The following AIFM3 variants were observed in gnomAD, a reference collection of about 807,000 sequenced individuals.
AIFM3 encodes the protein apoptosis-inducing factor 3.
A neutral mutation model predicts 82.7 loss-of-function variants in AIFM3; 71 were observed. The ratio of observed to expected loss-of-function variants is 0.86; its 90% CI spans 0.71 to 1.05. The LOEUF (loss-of-function observed/expected upper bound fraction) is 1.05. Ranked by LOEUF, AIFM3 falls within the 50% of genes least tolerant of loss-of-function variation. The probability of loss-of-function intolerance (pLI) is 0.00; values close to 1 mark genes in which losing one functional copy is unlikely to be tolerated. For synonymous variants in AIFM3, 337 were observed against 329.1 expected, an observed-to-expected ratio of 1.02 and a Z score of -0.26; for missense variants, 748 against 816.7, an observed-to-expected ratio of 0.92 and a Z score of 1.03.
Position 20,976,409 on chromosome 22 carries a change from C to A in AIFM3, c.901C>A (p.Pro301Thr). ...SKLLLAPGSS[P>T]KTLSCKGKEV... ...CTCACTGACACGGCCATGTCTCAGC[C>A]CCAAGACTCTGAGCTGCAAAGGCAA... Residue 301 changes from proline to threonine, a missense_variant and splice_region_variant, in exon 11 of 21, where the codon CCC becomes ACC. Physicochemically the swap from Pro to Thr is conservative, Grantham distance 38. Around this residue, in one of 5 missense-constraint regions of AIFM3, gnomAD observed 393 missense variants for 481.1 expected, o/e 0.82. Transcript: ENST00000440238. 6.2e-7 allele frequency: 1 copy of A among 1,613,960 alleles called. No individual in the cohort carries two copies. The highest frequency in any genetic ancestry group is 8.5e-7 in the Non-Finnish European group (1 of 1,180,014).
Position 20,980,933 on chromosome 22 carries a change from G to T in AIFM3, c.1779-59G>T, listed in dbSNP as rs781690159. 21 of 1,613,052 alleles carry T rather than the reference G, an allele frequency of 1.3e-5. No individual in the cohort carries two copies. In the Admixed American group the frequency reaches 1.5e-4, roughly 12 times the overall value. Reference sequence around the variant, plus strand: ...TCCTCAAGGGCCAGCTGTTCAGGGTGCCCAGAGTGGAGAGCCTGTTTTCTT... The same window carrying T: ...TCCTCAAGGGCCAGCTGTTCAGGGTTCCCAGAGTGGAGAGCCTGTTTTCTT... On this transcript the variant is annotated intron_variant, in intron 20 of 20. Coordinates refer to ENST00000440238, the MANE Select transcript of AIFM3 (RefSeq NM_001386814.1).
intron 3 of AIFM3, 58 bp downstream of exon 3, chr22:20,973,578 G>A: frequency 6.5e-7 from 1 of 1,545,540 alleles, no homozygotes; most frequent in Non-Finnish European, 8.8e-7. Flanking sequence ...GGAGGGTGAG[G>A]GGGCCATAGC....
chr22:20,978,042 G>T (rs755128377), intron 16 of AIFM3, 37 bp downstream of exon 16: 1 of 1,596,062 alleles, frequency 6.3e-7, no homozygotes. Flanking sequence ...GGGGTGGGAG[G>T]GAGTCTCAGG....
At chr22:20,969,894 T>G (rs178259) in intron 2 of AIFM3, among the ~76,000 whole-genome samples, 144,861 of 151,978 alleles carry the variant, frequency 0.95, 69,122 homozygotes, top group East Asian at 1. Flanking sequence ...AGAGACTAGA[T>G]CAAGCAGAAG....
chr22:20,973,566 T>C, intron 3 of AIFM3, 46 bp downstream of exon 3: 1 of 1,550,228 alleles, frequency 6.5e-7, no homozygotes, highest in Non-Finnish European at 8.8e-7. Flanking sequence ...GGTCCCAAGG[T>C]GGGAGGGTGA....
chr22:20,965,521 G>C (rs1216854378), upstream of AIFM3: 2 of 152,612 alleles, frequency 1.3e-5, no homozygotes, highest in Non-Finnish European at 2.9e-5. Context: ...TGCTGGCATC[G>C]GCTTCCCAGA....
upstream of AIFM3, among the ~76,000 whole-genome samples, chr22:20,965,650 C>T (rs547835298): frequency 2.4e-3 from 364 of 152,250 alleles, 1 homozygote; most frequent in African/African-American, 8.2e-3. Context: ...TCAGATGCCA[C>T]CCCTAGGACG....
chr22:20,979,994 C>T (rs1436946651), intron 18 of AIFM3, 26 bp from the exon 19 acceptor site: 3 of 1,602,918 alleles, frequency 1.9e-6, no homozygotes, highest in Non-Finnish European at 1.7e-6. Context: ...TCGCAGTCCT[C>T]AGGCTTGGCC....
upstream of AIFM3, chr22:20,966,692 G>A (rs2147931513): frequency 6.6e-6 from 1 of 152,414 alleles, no homozygotes; most frequent in South Asian, 2.1e-4. Flanking sequence ...TCCACCTGTA[G>A]GCTGCATCTT....
In AIFM3 at chr22:20,979,449, T is replaced by C. The variant is rs553840055; in HGVS notation, c.1576+80T>C. The stretch of plus-strand genomic sequence containing the variant: ...TGGGTGTGGGGCGGGGCTGGGAGCC[T>C]AGGGGCAGGGCTATGACCGCACTAG... On this transcript the variant is annotated intron_variant, in intron 17 of 20. Coordinates refer to ENST00000440238, the MANE Select transcript of AIFM3 (RefSeq NM_001386814.1). 2.0e-4 allele frequency: 292 copies of C among 1,479,542 alleles called. 1 individual carries two copies. The African/African-American group carries it at 2.1e-3, about 11-fold the overall frequency. The allele number at this position is 1,479,542 out of a possible 1,614,324, so 91.7% of individuals were successfully genotyped here.
Position 20,973,482 on chromosome 22 carries a change from G to A in AIFM3, c.207G>A (p.Glu69=). The A allele has an allele frequency of 6.2e-7, 1 of 1,613,004 alleles. No homozygotes were observed. The highest frequency in any genetic ancestry group is 8.5e-7 in the Non-Finnish European group (1 of 1,179,988). The change falls in exon 3 of 21, where the codon GAG becomes GAA. Residue 69 remains glutamate (E), a synonymous_variant. Coordinates refer to ENST00000440238, the MANE Select transcript of AIFM3 (RefSeq NM_001386814.1). ...ACCCCAGCCCTCAGGATTGCGTGGA[G>A]GCTGCTGTCTGCCACGTCAAGGACC... ...HPYPSPQDCV[E]AAVCHVKDLE...
At chr22:20,980,593 T>TC (rs1461961518) in intron 19 of AIFM3, 154 bp from the exon 20 acceptor site, 2 of 888,864 alleles carry the variant, frequency 2.3e-6, no homozygotes, top group African/African-American at 1.6e-5. Flanking sequence ...GGGAGAGAGC[T>TC]CCCAGGGACT....
intron 19 of AIFM3, 53 bp from the exon 20 acceptor site, chr22:20,980,694 G>C: frequency 2.5e-6 from 4 of 1,613,224 alleles, no homozygotes; most frequent in Non-Finnish European, 3.4e-6. Flanking sequence ...CATGATAAAT[G>C]ACATGCTCTC....
chr22:20,979,315 A>G lies in AIFM3; in HGVS notation c.1522A>G (p.Ser508Gly). The G allele has an allele frequency of 1.9e-6, 3 of 1,560,826 alleles. No individual in the cohort carries two copies. The highest frequency in any genetic ancestry group is 2.6e-6 in the Non-Finnish European group (3 of 1,152,298). Reference sequence around the variant, plus strand: ...CATGTTGGCGCAGGAGGCGGAGATGAGCACTGTGCCCTACCTCTGGACCGC... The same window carrying G: ...CATGTTGGCGCAGGAGGCGGAGATGGGCACTGTGCCCTACCTCTGGACCGC... Reference protein sequence around the residue: ...QNMLAQEAEMSTVPYLWTAMF... With the variant: ...QNMLAQEAEMGTVPYLWTAMF... Residue 508 changes from serine to glycine, a missense_variant, in exon 17 of 21, where the codon AGC (serine) becomes GGC (glycine). Physicochemically the swap from Ser to Gly is moderately conservative, Grantham distance 56 (BLOSUM62 0). Around this residue, in one of 5 missense-constraint regions of AIFM3, gnomAD observed 183 missense variants for 158.2 expected, o/e 1.16. Coordinates refer to ENST00000440238, the MANE Select transcript of AIFM3 (RefSeq NM_001386814.1).
chr22:20,977,676 G>A (rs1923779983), intron 14 of AIFM3, 24 bp from the exon 15 acceptor site: 13 of 1,613,746 alleles, frequency 8.1e-6, no homozygotes, highest in Middle Eastern at 3.3e-4. Flanking sequence ...ACAGGGGAGT[G>A]GACACAGGCT....
At chr22:20,973,233 C>A in intron 2 of AIFM3, 74 bp from the exon 3 acceptor site, 1 of 1,516,276 alleles carries the variant, frequency 6.6e-7, no homozygotes, top group Non-Finnish European at 8.9e-7. Context: ...AGGAGCTGGC[C>A]TCTGCACCCA....
chr22:20,976,408 C>A lies in AIFM3; in HGVS notation c.900C>A (p.Ser300Arg). ...YSKLLLAPGS[S>R]PKTLSCKGKE... ...CCTCACTGACACGGCCATGTCTCAG[C>A]CCCAAGACTCTGAGCTGCAAAGGCA... Residue 300 changes from serine (S) to arginine (R), a missense_variant and splice_region_variant, in exon 11 of 21, where the codon AGC (serine) becomes AGA (arginine). Ser to Arg is a moderately radical substitution (Grantham distance 110). Around this residue, in one of 5 missense-constraint regions of AIFM3, gnomAD observed 393 missense variants for 481.1 expected, o/e 0.82. Coordinates refer to ENST00000440238, the MANE Select transcript of AIFM3 (RefSeq NM_001386814.1). 6.2e-7 allele frequency: 1 copy of A among 1,613,926 alleles called. No homozygotes were observed. The highest frequency in any genetic ancestry group is 1.1e-5 in the South Asian group (1 of 91,068).
At chr22:20,969,355 C>T (rs1056767768) in intron 2 of AIFM3, among the ~76,000 whole-genome samples, 20 of 152,192 alleles carry the variant, frequency 1.3e-4, no homozygotes, top group Non-Finnish European at 2.9e-5. Flanking sequence ...GATTTCCCCT[C>T]TCTGAGCCTC....
chr22:20,971,369 C>A (rs1414695320), intron 2 of AIFM3, among the ~76,000 whole-genome samples: 1 of 152,198 alleles, frequency 6.6e-6, no homozygotes, highest in African/African-American at 2.4e-5. Flanking sequence ...AAGGAACTGA[C>A]CTTTTCTTTG....
Sources: gnomAD v4.1 joint callset for allele counts (sites outside exome capture counted in the v4.1 genomes callset) on GRCh38, gnomAD v4.1.1 for gene constraint, gnomAD v4.1.1 regional missense constraint, MANE v1.5 for transcripts, NCBI Gene and HGNC (gene_info 2026-07-23, HGNC 2026-07-21) for gene names.